The following SDK2 variants were observed in gnomAD, a reference collection of about 807,000 sequenced individuals.
SDK2 encodes the protein protein sidekick-2.
SDK2 carries 105 observed loss-of-function variants against 253.9 expected under a neutral mutation model. The observed-to-expected ratio is 0.41, with a 90% CI of 0.35 to 0.49. The LOEUF is 0.49. SDK2 is among the 20% of genes least tolerant of loss of function. The pLI is 0.06. For synonymous variants in SDK2, 1,249 were observed against 1,234.9 expected (o/e 1.01, Z -0.24); for missense variants, 2,608 against 3,003.0 (o/e 0.87, Z 3.07).
At chr17:73,637,123 A>G (rs1011756913) in intron 1 of SDK2, among the ~76,000 whole-genome samples, 4 of 152,190 alleles carry the variant, frequency 2.6e-5, no homozygotes, top group African/African-American at 7.2e-5. Flanking sequence ...AGGAAGTAAC[A>G]GCACAGACTG....
intron 38 of SDK2, 99 bp downstream of exon 38, chr17:73,365,159 C>T (rs1272973695): frequency 1.4e-5 from 12 of 868,038 alleles, no homozygotes; most frequent in South Asian, 2.5e-5. Context: ...AGACTCTCAC[C>T]GAATCTCACT....
At chr17:73,483,708 T>TATATA (rs1491188790) in intron 2 of SDK2, among the ~76,000 whole-genome samples, 13 of 43,626 alleles carry the variant, frequency 3.0e-4, no homozygotes, top group East Asian at 2.0e-3. Context: ...TATATATATA[T>TATATA]TTTTTTTTTT....
Position 73,434,437 on chromosome 17 carries a change from G to T in SDK2, c.1196-589C>A, listed in dbSNP as rs148102136. Among the ~76,000 whole-genome samples, 560 of 152,292 alleles carry T rather than the reference G, an allele frequency of 3.7e-3. 6 individuals carry two copies. The highest frequency in any genetic ancestry group is 6.8e-3 in the Middle Eastern group (2 of 294). On this transcript the variant is annotated intron_variant, in intron 9 of 44. Transcript: ENST00000392650. ...TGCACTTGGAAGCCAGAAGCAAGAC[G>T]GCAGCCCCTTGGTAGCCACCTTTGG...
rs59677357 is a variant in SDK2 at position 73,338,380 on chromosome 17, G to T, written c.*207C>A. 3.1e-3 allele frequency: 2,126 copies of T among 690,416 alleles called. 33 individuals are homozygous for T. In the African/African-American group the frequency reaches 0.032, roughly 10 times the overall value. The allele number at this position is 690,416 out of a possible 1,614,324, so 42.8% of individuals were successfully genotyped here. On this transcript the variant is annotated 3_prime_UTR_variant, in exon 45 of 45. Transcript: ENST00000392650. The surrounding 1 kb of genome is among the most constrained non-coding windows in gnomAD (Gnocchi z 5.0). ...TGAACCCCACCATCTCAAAGCTGAAGAGCTGCTGGCCACACACATCCTCTC... is the reference window on the plus strand; with the variant it reads ...TGAACCCCACCATCTCAAAGCTGAATAGCTGCTGGCCACACACATCCTCTC...
At chr17:73,355,254 G>A (rs1465080085) in intron 40 of SDK2, among the ~76,000 whole-genome samples, 10 of 142,948 alleles carry the variant, frequency 7.0e-5, no homozygotes, top group Admixed American at 6.3e-4. Flanking sequence ...TCAGCTCACT[G>A]CAACCTCCGC....
chr17:73,444,624 G>T (rs1197590713), intron 5 of SDK2, among the ~76,000 whole-genome samples: 2 of 152,158 alleles, frequency 1.3e-5, no homozygotes, highest in Non-Finnish European at 2.9e-5. Flanking sequence ...TTTTGCCATA[G>T]GCACCAATTT....
At chr17:73,417,671 C>G (rs935516364) in intron 16 of SDK2, among the ~76,000 whole-genome samples, 1 of 152,026 alleles carries the variant, frequency 6.6e-6, no homozygotes, top group Non-Finnish European at 1.5e-5. Context: ...GGAGAGCTGT[C>G]CCTGAAGCCT....
rs962646913 is a variant in SDK2, at chr17:73,447,658, G to GT, written c.569dup (p.Asn190LysfsTer4). 1 of 1,551,636 alleles carries GT rather than the reference G, an allele frequency of 6.4e-7. No homozygotes were observed. The highest frequency in any genetic ancestry group is 1.4e-5 in the African/African-American group (1 of 73,024). On this transcript the variant is annotated frameshift_variant, in exon 5 of 45. Transcript: ENST00000392650. LOFTEE classifies it high-confidence loss of function. This position sits in a 1 kb window ranked among gnomAD's most constrained non-coding sequence, Gnocchi z 4.0. ...TGGGCTGGCTGGTCTTGTTATCCCC[G>GT]TTTTTGTCGTTAACAGCCTGCACAT...
chr17:73,381,178 G>A (rs1003543558), intron 33 of SDK2, among the ~76,000 whole-genome samples: 1 of 152,194 alleles, frequency 6.6e-6, no homozygotes, highest in Non-Finnish European at 1.5e-5. Flanking sequence ...CCCCACCCTG[G>A]TGTGCACTGG....
intron 44 of SDK2, among the ~76,000 whole-genome samples, chr17:73,345,062 T>G (rs1467250402): frequency 1.3e-5 from 2 of 152,314 alleles, no homozygotes; most frequent in African/African-American, 4.8e-5. Flanking sequence ...CTCACGCCTG[T>G]AATCCTAGCA....
In SDK2 at chr17:73,395,037, T is replaced by C; in HGVS notation, c.3592+118A>G. On this transcript the variant is annotated intron_variant, in intron 25 of 44. Coordinates refer to ENST00000392650, the MANE Select transcript of SDK2 (RefSeq NM_001144952.2). The surrounding 1 kb of genome is among the most constrained non-coding windows in gnomAD (Gnocchi z 4.3). ...TGACATTGAGCATAAGCAGAGGAAA[T>C]GAGCTCAGGCTGTTTTTGAACAACA... 3 of 732,494 alleles carry C rather than the reference T, an allele frequency of 4.1e-6. No individual in the cohort carries two copies. Among genetic ancestry groups the C allele is most frequent in the Non-Finnish European group, 6.7e-6 (3 of 445,560 alleles). The allele number at this position is 732,494 out of a possible 1,614,324, so 45.4% of individuals were successfully genotyped here.
At chr17:73,348,759 C>T (rs769223636) in intron 43 of SDK2, 34 bp from the exon 44 acceptor site, 47 of 1,586,786 alleles carry the variant, frequency 3.0e-5, no homozygotes, top group Non-Finnish European at 4.0e-5. Flanking sequence ...CCGAGAGGTG[C>T]ACTCACTCAG....
rs542277508 is a variant in SDK2, at chr17:73,525,907, G to A, written c.65-18310C>T. Among the ~76,000 whole-genome samples, 7 of 152,208 alleles carry A rather than the reference G, an allele frequency of 4.6e-5. 1 individual carries two copies. In the South Asian group the frequency reaches 6.2e-4, roughly 13 times the overall value. On this transcript the variant is annotated intron_variant, in intron 1 of 44. Coordinates refer to ENST00000392650, the MANE Select transcript of SDK2 (RefSeq NM_001144952.2). Reference sequence around the variant, plus strand: ...CATTCAGCAAATGCTTTTTGAGCACGTACTACGTGCCACAAAATGTCAGAG... The same window carrying A: ...CATTCAGCAAATGCTTTTTGAGCACATACTACGTGCCACAAAATGTCAGAG...
In SDK2 at chr17:73,338,286, C is replaced by A. The variant is rs775785997; in HGVS notation, c.*301G>T. ...CGCTCCCTCTCTCTCTCCAGATGCC[C>A]GCCCCACTCCGTGTCCATAGCAGTG... On this transcript the variant is annotated 3_prime_UTR_variant, in exon 45 of 45. Coordinates refer to ENST00000392650, the MANE Select transcript of SDK2 (RefSeq NM_001144952.2). The surrounding 1 kb of genome is among the most constrained non-coding windows in gnomAD (Gnocchi z 5.0). The A allele has an allele frequency of 1.8e-6, 1 of 543,192 alleles. No individual in the cohort carries two copies. 33.6% of individuals were successfully genotyped at this position (543,192 alleles called of 1,614,324 possible).
At chr17:73,530,268 C>T (rs1484268029) in intron 1 of SDK2, among the ~76,000 whole-genome samples, 2 of 152,076 alleles carry the variant, frequency 1.3e-5, no homozygotes, top group African/African-American at 4.8e-5. Context: ...GCTGGGGAGG[C>T]CGAGGGAAAC....
chr17:73,478,412 G>A (rs1409397036), intron 2 of SDK2, among the ~76,000 whole-genome samples: 3 of 152,156 alleles, frequency 2.0e-5, no homozygotes, highest in Admixed American at 1.3e-4. Context: ...CTCAGGGGCT[G>A]GGCTTGGGGC....
chr17:73,570,633 GCCAC>G lies in SDK2; in HGVS notation c.65-63040_65-63037del, dbSNP rs777636804. 6.6e-5 allele frequency among the ~76,000 whole-genome samples: 10 copies of G among 152,172 alleles called. No individual in the cohort carries two copies. Among genetic ancestry groups the G allele is most frequent in the Non-Finnish European group, 1.3e-4 (9 of 68,028 alleles). ...ACCATCAGCTCACCGCCATCTCGCA[GCCAC>G]CCACAAAGGGCACTGCTTTAGCTCT... On this transcript the variant is annotated intron_variant, in intron 1 of 44. Transcript: ENST00000392650. This position sits in a 1 kb window ranked among gnomAD's most constrained non-coding sequence, Gnocchi z 4.2.
intron 1 of SDK2, among the ~76,000 whole-genome samples, chr17:73,625,477 C>T (rs2046189782): frequency 6.6e-6 from 1 of 152,158 alleles, no homozygotes; most frequent in African/African-American, 2.4e-5. Flanking sequence ...GGGAGGGGAA[C>T]ACCTGAAGGT....
In SDK2 at chr17:73,642,215, T is replaced by G. The variant is rs946311304; in HGVS notation, c.64+1810A>C. Among the ~76,000 whole-genome samples, 6 of 151,996 alleles carry G rather than the reference T, an allele frequency of 3.9e-5. No homozygotes were observed. Among genetic ancestry groups the G allele is most frequent in the African/African-American group, 9.7e-5 (4 of 41,380 alleles). On this transcript the variant is annotated intron_variant, in intron 1 of 44. Coordinates refer to ENST00000392650, the MANE Select transcript of SDK2 (RefSeq NM_001144952.2). This position sits in a 1 kb window ranked among gnomAD's most constrained non-coding sequence, Gnocchi z 4.7. The stretch of plus-strand genomic sequence containing the variant: ...TGGACGTGGGGCAGGAAGGGACACA[T>G]GAAGACCCCAAAGCAAGGGCCATCA...
Sources: allele counts gnomAD v4.1 joint callset (sites outside exome capture counted in the v4.1 genomes callset), GRCh38; gene constraint gnomAD v4.1.1; non-coding constraint Gnocchi (gnomAD v3.1); transcripts MANE v1.5; gene names NCBI Gene and HGNC (gene_info 2026-07-23, HGNC 2026-07-21).